ATG4C: variants seen among roughly 807,000 people sequenced by gnomAD.
ATG4C encodes the protein cysteine protease ATG4C.
ATG4C carries 56 observed loss-of-function variants against 57.6 expected under a neutral mutation model. The ratio of observed to expected loss-of-function variants is 0.97; its 90% CI spans 0.78 to 1.21. ATG4C has a LOEUF of 1.21. ATG4C is among the 50% of genes most tolerant of loss of function. ATG4C has a pLI of 0.00. For synonymous variants in ATG4C, 157 were observed against 174.1 expected (o/e 0.90, Z 0.78); for missense variants, 595 against 529.8 (o/e 1.12, Z -1.21).
intron 6 of ATG4C, among the ~76,000 whole-genome samples, chr1:62,825,500 G>T (rs960232852): frequency 6.6e-6 from 1 of 151,930 alleles, no homozygotes; most frequent in Non-Finnish European, 1.5e-5. Context: ...TCATCTCCTT[G>T]ATCTCTAAAA....
intron 7 of ATG4C, among the ~76,000 whole-genome samples, chr1:62,832,659 C>T (rs1242492209): frequency 6.6e-6 from 1 of 152,118 alleles, no homozygotes; most frequent in Non-Finnish European, 1.5e-5. Context: ...AAGGCTCCAG[C>T]TTTCAACACT....
intron 1 of ATG4C, among the ~76,000 whole-genome samples, chr1:62,800,649 T>C (rs763089565): frequency 7.9e-5 from 12 of 152,232 alleles, no homozygotes; most frequent in Non-Finnish European, 1.0e-4. Flanking sequence ...AATTCGTCTT[T>C]CCTTTTCTTT....
At chr1:62,788,430 TACACAC>T (rs10671530) in intron 1 of ATG4C, among the ~76,000 whole-genome samples, 25,387 of 146,452 alleles carry the variant, frequency 0.17, 2,265 homozygotes, top group African/African-American at 0.22. Context: ...TCTCTATAAA[TACACAC>T]ACACACACAC....
chr1:62,839,523 C>T (rs914705482), intron 9 of ATG4C, among the ~76,000 whole-genome samples: 1 of 152,142 alleles, frequency 6.6e-6, no homozygotes, highest in Non-Finnish European at 1.5e-5. Flanking sequence ...ATGAGCTGGG[C>T]AAATGGTTAT....
At chr1:62,849,565 G>A (rs1666437959) in intron 10 of ATG4C, among the ~76,000 whole-genome samples, 1 of 151,644 alleles carries the variant, frequency 6.6e-6, no homozygotes, top group Admixed American at 6.6e-5. Context: ...AGGCTGGAGT[G>A]CAGTAGTACG....
At chr1:62,856,653 C>T (rs1352577264) in intron 10 of ATG4C, among the ~76,000 whole-genome samples, 1 of 152,144 alleles carries the variant, frequency 6.6e-6, no homozygotes, top group East Asian at 1.9e-4. Context: ...TGTTTGTGAT[C>T]CTTACATTAT....
intron 10 of ATG4C, among the ~76,000 whole-genome samples, chr1:62,842,943 C>G (rs1666215858): frequency 6.6e-6 from 1 of 152,012 alleles, no homozygotes. Context: ...AGTTCTTTGT[C>G]TCTACAAAGT....
intron 8 of ATG4C, 110 bp downstream of exon 8, chr1:62,834,226 A>G (rs1164988033): frequency 2.2e-6 from 2 of 926,960 alleles, no homozygotes; most frequent in Non-Finnish European, 3.3e-6. Context: ...CGAGTACCTT[A>G]TACATTCATC....
At chr1:62,786,611 C>A (rs946147051) in intron 1 of ATG4C, among the ~76,000 whole-genome samples, 2 of 150,682 alleles carry the variant, frequency 1.3e-5, no homozygotes, top group African/African-American at 4.9e-5. Context: ...ATTTTTTGGA[C>A]TATATATAAG....
At chr1:62,844,974 T>A (rs1666285409) in intron 10 of ATG4C, among the ~76,000 whole-genome samples, 1 of 152,130 alleles carries the variant, frequency 6.6e-6, no homozygotes, top group Non-Finnish European at 1.5e-5. Flanking sequence ...ATTTAAACTT[T>A]CTTTCTTTGA....
intron 1 of ATG4C, among the ~76,000 whole-genome samples, chr1:62,803,208 A>G (rs573252986): frequency 6.6e-6 from 1 of 152,312 alleles, no homozygotes; most frequent in South Asian, 2.1e-4. Context: ...AAACATAGGA[A>G]ATGTCTTATT....
At chr1:62,792,889 A>AT (rs11415231) in intron 1 of ATG4C, among the ~76,000 whole-genome samples, 91,704 of 144,860 alleles carry the variant, frequency 0.63, 28,992 homozygotes, top group African/African-American at 0.73. Context: ...GGTGGTAGTG[A>AT]TTTTTTTTTT....
At chr1:62,839,602 A>G (rs974737147) in intron 9 of ATG4C, among the ~76,000 whole-genome samples, 3 of 152,290 alleles carry the variant, frequency 2.0e-5, no homozygotes, top group Admixed American at 1.3e-4. Flanking sequence ...ATACCCTAAT[A>G]TACTCATATT....
At position 62,834,057 on chromosome 1, in the gene ATG4C, A is replaced by G; in HGVS notation, c.953A>G (p.Tyr318Cys). ...EFVKGILSLE[Y>C]CVGIIGGKPK... ...TGGCAGGGTATTTTAAGCCTGGAAT[A>G]TTGTGTGGGTATTATTGGTGGCAAA... Residue 318 changes from tyrosine (Y) to cysteine (C), a missense_variant, in exon 8 of 11, where the codon TAT becomes TGT. Coordinates refer to ENST00000317868, the MANE Select transcript of ATG4C (RefSeq NM_032852.4). 1.9e-6 allele frequency: 3 copies of G among 1,612,540 alleles called. No individual in the cohort carries two copies. The highest frequency in any genetic ancestry group is 2.5e-6 in the Non-Finnish European group (3 of 1,179,210).
chr1:62,830,098 A>G (rs6687943), intron 7 of ATG4C, among the ~76,000 whole-genome samples: 3 of 151,978 alleles, frequency 2.0e-5, no homozygotes, highest in Admixed American at 6.5e-5. Context: ...TGTTTTTAAC[A>G]TATGATATAC....
chr1:62,806,256 A>G (rs77621326), intron 3 of ATG4C, among the ~76,000 whole-genome samples: 2 of 152,094 alleles, frequency 1.3e-5, no homozygotes, highest in African/African-American at 4.8e-5. Flanking sequence ...AATAAAGGGC[A>G]TATTTAGGAG....
chr1:62,829,164 A>AT lies in ATG4C; in HGVS notation c.921_922insT (p.Glu308Ter). On this transcript the variant is annotated frameshift_variant, in exon 7 of 11. Coordinates refer to ENST00000317868, the MANE Select transcript of ATG4C (RefSeq NM_032852.4). LOFTEE classifies it high-confidence loss of function. ...GAGAAAGAACCAACACCGACTACTT[A>AT]GAATTTGTGAAGGTATGAAATAAGT... is the stretch of plus-strand genomic sequence containing the variant. The AT allele has an allele frequency of 1.9e-6, 3 of 1,612,626 alleles. No individual in the cohort carries two copies. The highest frequency in any genetic ancestry group is 2.5e-6 in the Non-Finnish European group (3 of 1,179,154).
intron 1 of ATG4C, among the ~76,000 whole-genome samples, chr1:62,787,736 T>C (rs1289696521): frequency 6.6e-6 from 1 of 152,036 alleles, no homozygotes; most frequent in African/African-American, 2.4e-5. Context: ...TTTTTTTAAA[T>C]TTATAAGATG....
At chr1:62,818,955 T>C (rs1448383312) in intron 4 of ATG4C, 50 bp from the exon 5 acceptor site, 2 of 1,355,460 alleles carry the variant, frequency 1.5e-6, no homozygotes, top group African/African-American at 2.9e-5. Context: ...GTAGAATTGT[T>C]AAAGTATCTA....
Sources: allele counts gnomAD v4.1 joint callset (sites outside exome capture counted in the v4.1 genomes callset), GRCh38; gene constraint gnomAD v4.1.1; transcripts MANE v1.5; gene names NCBI Gene and HGNC (gene_info 2026-07-23, HGNC 2026-07-21).